GLI2: variants seen among roughly 807,000 people sequenced by gnomAD.
The protein encoded by GLI2 is GLI family zinc finger 2.
Under a neutral mutation model 78.9 loss-of-function variants are expected in GLI2, and 22 were observed. The observed-to-expected ratio is 0.28, with a 90% CI of 0.20 to 0.40. GLI2 has a LOEUF of 0.40. Among genes scored for constraint, GLI2 ranks in the 10% least tolerant of loss-of-function variants. The pLI, the probability that GLI2 is intolerant of heterozygous loss-of-function variation, is 1.00. For synonymous variants in GLI2, 974 were observed against 963.7 expected, an observed-to-expected ratio of 1.01 and a Z score of -0.20; for missense variants, 2,097 against 2,213.2, an observed-to-expected ratio of 0.95 and a Z score of 1.05.
intron 1 of GLI2, among the ~76,000 whole-genome samples, chr2:120,748,612 G>T (rs1278545447): frequency 6.6e-6 from 1 of 152,156 alleles, no homozygotes; most frequent in Non-Finnish European, 1.5e-5. Flanking sequence ...TTAGCTTCAG[G>T]TCATGGGACA....
chr2:120,742,244 G>C (rs1682572220), intron 1 of GLI2, among the ~76,000 whole-genome samples: 4 of 152,180 alleles, frequency 2.6e-5, no homozygotes, highest in Admixed American at 2.6e-4. Context: ...TCTTCCATTC[G>C]TCTTGACCTG....
chr2:120,748,797 C>T (rs1185223923), intron 1 of GLI2, among the ~76,000 whole-genome samples: 1 of 152,166 alleles, frequency 6.6e-6, no homozygotes, highest in Non-Finnish European at 1.5e-5. Context: ...ATGCTCTCTA[C>T]TATGATCCCC....
intron 1 of GLI2, among the ~76,000 whole-genome samples, chr2:120,779,527 A>C (rs1457987164): frequency 6.6e-6 from 1 of 152,226 alleles, no homozygotes; most frequent in Admixed American, 6.5e-5. Flanking sequence ...TCTGCCGGTA[A>C]CATGGCCCAA....
chr2:120,808,095 C>T (rs1685047236), intron 2 of GLI2, among the ~76,000 whole-genome samples: 2 of 152,206 alleles, frequency 1.3e-5, no homozygotes, highest in Non-Finnish European at 2.9e-5. Flanking sequence ...AGGGCCTCAT[C>T]CGCCGTCTGA....
At chr2:120,908,264 T>C (rs994539604) in intron 2 of GLI2, among the ~76,000 whole-genome samples, 3 of 152,274 alleles carry the variant, frequency 2.0e-5, no homozygotes, top group East Asian at 1.9e-4. Context: ...GGGCTGGCCA[T>C]TGGGGAAGGT....
At chr2:120,960,455 G>A (rs72957207) in intron 5 of GLI2, among the ~76,000 whole-genome samples, 11,057 of 152,244 alleles carry the variant, frequency 0.073, 1,301 homozygotes, top group African/African-American at 0.25. Context: ...ACACCGGTTT[G>A]CAAACCACCA....
chr2:120,955,716 G>T (rs368164903), intron 5 of GLI2, among the ~76,000 whole-genome samples: 2 of 152,162 alleles, frequency 1.3e-5, no homozygotes, highest in African/African-American at 4.8e-5. Context: ...TAGGAATTAC[G>T]TATGAAAGTA....
At position 120,986,563 on chromosome 2, in the gene GLI2, G is replaced by A. The variant is rs146944207; in HGVS notation, c.2191G>A (p.Gly731Arg). The part of the protein sequence containing the change: ...KSLKDSCSWA[G>R]PTPHTRNTKL... ...ACTCAAGGATTCCTGCTCATGGGCC[G>A]GGCCGACTCCACACACGCGGAACAC... Residue 731 changes from glycine to arginine, a missense_variant, in exon 13 of 14, where the codon GGG becomes AGG. This residue lies in a region of GLI2 where 1,290 missense variants were observed against 1,261.7 expected (regional missense o/e 1.02). Coordinates refer to ENST00000361492, the MANE Select transcript of GLI2 (RefSeq NM_001374353.1). The A allele has an allele frequency of 1.4e-4, 221 of 1,614,130 alleles. No homozygotes were observed. The Middle Eastern group carries it at 1.7e-3, about 12-fold the overall frequency.
At chr2:120,834,902 G>A (rs987896834) in intron 2 of GLI2, among the ~76,000 whole-genome samples, 2 of 152,150 alleles carry the variant, frequency 1.3e-5, no homozygotes, top group Non-Finnish European at 2.9e-5. Context: ...TGGCATTTCA[G>A]GGGCTCTGCA....
chr2:120,932,395 T>C (rs1271566654), intron 3 of GLI2, among the ~76,000 whole-genome samples: 1 of 152,016 alleles, frequency 6.6e-6, no homozygotes, highest in Non-Finnish European at 1.5e-5. Flanking sequence ...AGGATCCTGA[T>C]AGCTCCAGGG....
intron 2 of GLI2, among the ~76,000 whole-genome samples, chr2:120,805,287 A>G (rs1220789908): frequency 1.3e-5 from 2 of 152,198 alleles, no homozygotes; most frequent in African/African-American, 4.8e-5. Flanking sequence ...CCTTGGTTGC[A>G]GAGACCGGCA....
At chr2:120,789,413 C>G (rs1477517218) in intron 1 of GLI2, among the ~76,000 whole-genome samples, 1 of 151,936 alleles carries the variant, frequency 6.6e-6, no homozygotes, top group African/African-American at 2.4e-5. Context: ...TCATGCAGTT[C>G]CCAGACCCTG....
chr2:120,809,217 C>T (rs374668203), intron 2 of GLI2, among the ~76,000 whole-genome samples: 1 of 152,180 alleles, frequency 6.6e-6, no homozygotes, highest in South Asian at 2.1e-4. Flanking sequence ...CAATGGTATA[C>T]ACAAATGAAC....
At chr2:120,790,761 G>A (rs550887774) in intron 1 of GLI2, among the ~76,000 whole-genome samples, 7 of 152,218 alleles carry the variant, frequency 4.6e-5, no homozygotes, top group South Asian at 4.1e-4. Context: ...GGCAGGCTTC[G>A]GTTTCATGTA....
At chr2:120,849,034 A>G (rs1687263473) in intron 2 of GLI2, among the ~76,000 whole-genome samples, 2 of 152,244 alleles carry the variant, frequency 1.3e-5, no homozygotes, top group African/African-American at 2.4e-5. Context: ...ACATGCTGCA[A>G]CATGGATGAA....
intron 1 of GLI2, among the ~76,000 whole-genome samples, chr2:120,747,171 C>A (rs181583857): frequency 2.0e-5 from 3 of 152,138 alleles, no homozygotes; most frequent in Non-Finnish European, 2.9e-5. Context: ...CCTTGTTAGG[C>A]GTTAATGGAG....
At chr2:120,794,516 A>C (rs1684293024) in intron 1 of GLI2, among the ~76,000 whole-genome samples, 1 of 152,196 alleles carries the variant, frequency 6.6e-6, no homozygotes. Flanking sequence ...AAAAGTGCCA[A>C]GACCCAGAGG....
At chr2:120,982,987 C>A in intron 11 of GLI2, 107 bp downstream of exon 11, 1 of 1,011,948 alleles carries the variant, frequency 9.9e-7, no homozygotes, top group Non-Finnish European at 1.5e-6. Context: ...CCATGTCCCG[C>A]CCCCGCCACT....
chr2:120,895,438 C>A (rs1677895859), intron 2 of GLI2, among the ~76,000 whole-genome samples: 1 of 152,160 alleles, frequency 6.6e-6, no homozygotes, highest in Non-Finnish European at 1.5e-5. Flanking sequence ...TGCAGTGGCT[C>A]ACACCTGTAA....
Sources: allele counts gnomAD v4.1 joint callset (sites outside exome capture counted in the v4.1 genomes callset), GRCh38; gene constraint gnomAD v4.1.1; regional missense constraint gnomAD v4.1.1; transcripts MANE v1.5; gene names NCBI Gene and HGNC (gene_info 2026-07-23, HGNC 2026-07-21).